The following NBAS variants were observed in gnomAD, a reference collection of about 807,000 sequenced individuals.
The protein encoded by NBAS is NAG/BC035112 fusion.
A neutral mutation model predicts 302.5 loss-of-function variants in NBAS; 219 were observed. The ratio of observed to expected loss-of-function variants is 0.72; its 90% CI spans 0.65 to 0.81. The LOEUF (loss-of-function observed/expected upper bound fraction) is 0.81, where lower values mean the gene tolerates loss of function less well. Among genes scored for constraint, NBAS ranks in the 30% least tolerant of loss-of-function variants. The pLI is 0.00. For missense variants in NBAS, 2,932 were observed against 2,841.6 expected, an observed-to-expected ratio of 1.03 and a Z score of -0.72; for synonymous variants, 1,118 against 1,021.6, an observed-to-expected ratio of 1.09 and a Z score of -1.80.
At chr2:15,232,546 A>T (rs761090724) in intron 46 of NBAS, 35 bp from the exon 47 acceptor site, 1 of 1,590,656 alleles carries the variant, frequency 6.3e-7, no homozygotes, top group South Asian at 1.1e-5. Context: ...TCAGAAAAGG[A>T]TCACTCAAGT....
chr2:15,035,813 G>A, the NBAS span, among the ~76,000 whole-genome samples: 122,261 of 152,104 alleles, frequency 0.8, 49,675 homozygotes, highest in East Asian at 1. Flanking sequence ...CACAAGGAGG[G>A]GAACAACACA....
chr2:15,377,308 A>C (rs1558284795), intron 30 of NBAS, among the ~76,000 whole-genome samples: 1 of 152,238 alleles, frequency 6.6e-6, no homozygotes. Flanking sequence ...AACACTGGAA[A>C]GACTGAAAAT....
chr2:15,271,476 C>T (rs1012275404), intron 44 of NBAS, among the ~76,000 whole-genome samples: 4 of 152,014 alleles, frequency 2.6e-5, no homozygotes, highest in South Asian at 4.2e-4. Context: ...AAAGGCAGCA[C>T]GTGCAAGGTG....
chr2:14,819,403 G>A, the NBAS span, among the ~76,000 whole-genome samples: 28 of 152,296 alleles, frequency 1.8e-4, no homozygotes, highest in African/African-American at 6.7e-4. Flanking sequence ...ATTTCCAGTT[G>A]ACTCTTTTAT....
the NBAS span, among the ~76,000 whole-genome samples, chr2:14,871,910 A>C: frequency 2.0e-5 from 3 of 152,172 alleles, no homozygotes; most frequent in African/African-American, 7.2e-5. Flanking sequence ...ATTAGATATA[A>C]ATTATCTAAA....
In NBAS at chr2:15,276,876, C is replaced by T. The variant is rs768972195; in HGVS notation, c.5364G>A (p.Leu1788=). The part of the protein sequence containing the change: ...AIKPETHIRL[L]KKFKVVASGL... ...CTGATGCAACAACCTTAAACTTCTT[C>T]AGCAGTCGAATGTGGGTTTCTGGTT... The change falls in exon 43 of 52, where the codon CTG becomes CTA. Residue 1788 remains leucine (L), a synonymous_variant. Transcript: ENST00000281513. 6 of 1,614,068 alleles carry T rather than the reference C, an allele frequency of 3.7e-6. No individual in the cohort carries two copies. Among genetic ancestry groups the T allele is most frequent in the East Asian group, 4.5e-5 (2 of 44,876 alleles).
At chr2:14,822,949 G>C in the NBAS span, among the ~76,000 whole-genome samples, 1 of 152,176 alleles carries the variant, frequency 6.6e-6, no homozygotes. Context: ...CTTCTAGAGA[G>C]AGCAAATGAC....
chr2:15,121,229 A>G, the NBAS span, among the ~76,000 whole-genome samples: 4 of 152,212 alleles, frequency 2.6e-5, no homozygotes, highest in East Asian at 7.7e-4. Flanking sequence ...CTGAAGAACA[A>G]GCATACTATA....
chr2:15,432,244 G>C (rs767865456), intron 21 of NBAS, among the ~76,000 whole-genome samples: 2 of 149,734 alleles, frequency 1.3e-5, no homozygotes, highest in African/African-American at 2.5e-5. Context: ...CCCTGCTTGG[G>C]AAGTCTTAAG....
chr2:14,899,627 C>T, the NBAS span, among the ~76,000 whole-genome samples: 18 of 152,136 alleles, frequency 1.2e-4, no homozygotes, highest in African/African-American at 4.3e-4. Flanking sequence ...TTTAAAAGAC[C>T]ATATGACTTG....
At chr2:14,888,738 G>A in the NBAS span, among the ~76,000 whole-genome samples, 1 of 152,084 alleles carries the variant, frequency 6.6e-6, no homozygotes, top group East Asian at 1.9e-4. Flanking sequence ...CATTCACTAC[G>A]ATGTTTTATT....
intron 5 of NBAS, among the ~76,000 whole-genome samples, chr2:15,551,956 G>T (rs1018288906): frequency 2.0e-5 from 3 of 152,092 alleles, no homozygotes; most frequent in African/African-American, 7.2e-5. Context: ...TCACTTAGGG[G>T]AAAAAGTCTT....
Position 15,467,733 on chromosome 2 carries a change from G to GGCTCTTCATCAGGTGGTGAAA in NBAS, c.1928_1948dup (p.Leu643_Glu649dup). 1 of 1,608,194 alleles carries GGCTCTTCATCAGGTGGTGAAA rather than the reference G, an allele frequency of 6.2e-7. No individual in the cohort carries two copies. Among genetic ancestry groups the GGCTCTTCATCAGGTGGTGAAA allele is most frequent in the Non-Finnish European group, 8.5e-7 (1 of 1,174,972 alleles). The stretch of plus-strand genomic sequence containing the variant: ...CTCCTTTTCCTTTTTATTCTTGGCA[G>GGCTCTTCATCAGGTGGTGAAA]GCTCTTCATCAGGTGGTGAAAGCTC... On this transcript the variant is annotated inframe_insertion, in exon 18 of 52. Transcript: ENST00000281513.
intron 1 of NBAS, among the ~76,000 whole-genome samples, chr2:15,560,777 C>A (rs1287996712): frequency 1.3e-5 from 2 of 152,118 alleles, no homozygotes; most frequent in African/African-American, 2.4e-5. Flanking sequence ...CAGACTAGCC[C>A]TAGCCAGACC....
At chr2:15,076,888 A>C in the NBAS span, among the ~76,000 whole-genome samples, 1 of 152,222 alleles carries the variant, frequency 6.6e-6, no homozygotes, top group African/African-American at 2.4e-5. Flanking sequence ...GGATTGTTGC[A>C]TCATAATTCA....
At chr2:15,463,767 C>T (rs796599970) in intron 19 of NBAS, among the ~76,000 whole-genome samples, 1 of 122,224 alleles carries the variant, frequency 8.2e-6, no homozygotes, top group South Asian at 2.6e-4. Flanking sequence ...TGCTTGAATC[C>T]TCATTCAAAT....
At chr2:15,309,367 G>A (rs1671177036) in intron 38 of NBAS, 120 bp from the exon 39 acceptor site, 1 of 782,654 alleles carries the variant, frequency 1.3e-6, no homozygotes, top group Non-Finnish European at 2.1e-6. Context: ...AGACCTTTTA[G>A]GAAAGGCTGT....
At chr2:15,186,160 CTG>C (rs545281756) in intron 50 of NBAS, among the ~76,000 whole-genome samples, 60 of 148,288 alleles carry the variant, frequency 4.0e-4, no homozygotes, top group African/African-American at 6.4e-4. Flanking sequence ...GTATGTGTGT[CTG>C]TGTGTGTGTA....
intron 39 of NBAS, 58 bp downstream of exon 39, chr2:15,309,113 A>C (rs1221606689): frequency 2.9e-6 from 4 of 1,395,404 alleles, no homozygotes; most frequent in Non-Finnish European, 4.0e-6. Flanking sequence ...ATGAAAATTC[A>C]CAGCATACAT....
Sources: allele counts gnomAD v4.1 joint callset (sites outside exome capture counted in the v4.1 genomes callset), GRCh38; gene constraint gnomAD v4.1.1; transcripts MANE v1.5; gene names NCBI Gene and HGNC (gene_info 2026-07-23, HGNC 2026-07-21).